NUBPL: variants seen among roughly 807,000 people sequenced by gnomAD.
The protein encoded by NUBPL is NUBP iron-sulfur cluster assembly factor, mitochondrial, also known as iron-sulfur cluster transfer protein NUBPL.
Under a neutral mutation model 45.7 loss-of-function variants are expected in NUBPL, and 31 were observed. The observed-to-expected ratio is 0.68, with a 90% CI of 0.51 to 0.92. The LOEUF is 0.92. NUBPL is among the 40% of genes least tolerant of loss of function. The pLI is 0.00. For missense variants in NUBPL, 401 were observed against 398.7 expected, an observed-to-expected ratio of 1.01 and a Z score of -0.05; for synonymous variants, 144 against 140.9, an observed-to-expected ratio of 1.02 and a Z score of -0.15.
intron 4 of NUBPL, among the ~76,000 whole-genome samples, chr14:31,647,471 A>G (rs2139724050): frequency 6.6e-6 from 1 of 152,340 alleles, no homozygotes; most frequent in Non-Finnish European, 1.5e-5. Flanking sequence ...GTATTTGATC[A>G]GAGCACTGCC....
chr14:31,703,235 T>TTA, intron 6 of NUBPL: 1 of 152,302 alleles, frequency 6.6e-6, no homozygotes, highest in South Asian at 2.1e-4. Flanking sequence ...TCCTAGGACT[T>TTA]TATAAACTGG....
intron 3 of NUBPL, among the ~76,000 whole-genome samples, chr14:31,590,984 A>T (rs1277224880): frequency 6.6e-6 from 1 of 152,148 alleles, no homozygotes; most frequent in African/African-American, 2.4e-5. Flanking sequence ...AAAATGTGGC[A>T]CTTAAGGCAA....
chr14:31,625,410 A>T (rs888091477), intron 4 of NUBPL, among the ~76,000 whole-genome samples: 3 of 152,076 alleles, frequency 2.0e-5, no homozygotes, highest in African/African-American at 7.2e-5. Flanking sequence ...GAGTATCTCT[A>T]GCCTAGTACA....
At chr14:31,831,384 A>G (rs763256333) in intron 8 of NUBPL, among the ~76,000 whole-genome samples, 8 of 151,752 alleles carry the variant, frequency 5.3e-5, no homozygotes, top group African/African-American at 9.7e-5. Flanking sequence ...TTATGATCCA[A>G]TTACACTCTA....
chr14:31,789,357 A>G (rs574789970), intron 7 of NUBPL, among the ~76,000 whole-genome samples: 36 of 152,126 alleles, frequency 2.4e-4, no homozygotes, highest in African/African-American at 7.9e-4. Flanking sequence ...ATAAAAATAA[A>G]TATTAGGAAA....
intron 4 of NUBPL, among the ~76,000 whole-genome samples, chr14:31,669,278 A>T (rs1396906666): frequency 6.6e-6 from 1 of 152,174 alleles, no homozygotes; most frequent in Non-Finnish European, 1.5e-5. Context: ...CAGATTAATC[A>T]CTTCAAACAT....
intron 4 of NUBPL, among the ~76,000 whole-genome samples, chr14:31,638,089 T>C (rs1440621774): frequency 1.3e-5 from 2 of 152,184 alleles, no homozygotes; most frequent in South Asian, 2.1e-4. Flanking sequence ...GCCATTTACA[T>C]TTAAAGTTAA....
chr14:31,753,934 T>C (rs948362770), intron 6 of NUBPL, among the ~76,000 whole-genome samples: 8 of 152,258 alleles, frequency 5.3e-5, no homozygotes, highest in Admixed American at 3.3e-4. Context: ...CCATATATAC[T>C]TGAAAAATGC....
intron 8 of NUBPL, among the ~76,000 whole-genome samples, chr14:31,840,481 G>A (rs571156698): frequency 3.8e-4 from 58 of 152,018 alleles, no homozygotes; most frequent in African/African-American, 1.3e-3. Flanking sequence ...GGCGGAGGTA[G>A]GAGAATGGTG....
intron 4 of NUBPL, among the ~76,000 whole-genome samples, chr14:31,663,196 C>T (rs935649340): frequency 1.3e-5 from 2 of 152,146 alleles, no homozygotes; most frequent in Non-Finnish European, 1.5e-5. Context: ...GTTGCCTGTT[C>T]ACTCTGATGA....
intron 4 of NUBPL, among the ~76,000 whole-genome samples, chr14:31,666,263 A>ATATTATATATATTTATTATTT: frequency 1.8e-5 from 2 of 111,888 alleles, no homozygotes; most frequent in African/African-American, 6.1e-5. Context: ...ATATATATAT[A>ATATTATATATATTTATTATTT]ATTTTATTTT....
rs186208433 is a variant in NUBPL, at chr14:31,625,829, A to G, written c.382+26450A>G. On this transcript the variant is annotated intron_variant, in intron 4 of 10. Coordinates refer to ENST00000281081, the MANE Select transcript of NUBPL (RefSeq NM_025152.3). ...GGGGGAGATGAAAAAATGTCAACAC[A>G]TTAAGTACCATAGTAAATAGTAGGG... Among the ~76,000 whole-genome samples, 266 of 152,274 alleles carry G rather than the reference A, an allele frequency of 1.7e-3. 1 individual carries two copies. The highest frequency in any genetic ancestry group is 3.0e-3 in the Non-Finnish European group (205 of 68,020).
chr14:31,602,088 A>G (rs1292886664), intron 4 of NUBPL, among the ~76,000 whole-genome samples: 1 of 152,222 alleles, frequency 6.6e-6, no homozygotes, highest in Non-Finnish European at 1.5e-5. Context: ...TGTTCTTTGT[A>G]GGGACATGGA....
intron 3 of NUBPL, among the ~76,000 whole-genome samples, chr14:31,568,989 T>C (rs924847716): frequency 6.6e-6 from 1 of 152,226 alleles, no homozygotes; most frequent in Non-Finnish European, 1.5e-5. Flanking sequence ...TTATATATGG[T>C]ATTAGTATAG....
chr14:31,613,215 C>T (rs1013969927), intron 4 of NUBPL, among the ~76,000 whole-genome samples: 5 of 152,144 alleles, frequency 3.3e-5, no homozygotes, highest in Non-Finnish European at 5.9e-5. Flanking sequence ...ATTGCATATT[C>T]TCACCTCTTT....
intron 6 of NUBPL, among the ~76,000 whole-genome samples, chr14:31,685,336 T>C (rs2036927223): frequency 6.6e-6 from 1 of 152,114 alleles, no homozygotes; most frequent in Non-Finnish European, 1.5e-5. Flanking sequence ...AAAAAGATTA[T>C]AGGGGTTTAA....
chr14:31,742,373 C>G, intron 6 of NUBPL, among the ~76,000 whole-genome samples: 1 of 152,024 alleles, frequency 6.6e-6, no homozygotes. Flanking sequence ...GACTTTCAAA[C>G]TTGACTCTAT....
chr14:31,746,283 G>C (rs373523762), intron 6 of NUBPL, among the ~76,000 whole-genome samples: 1 of 152,002 alleles, frequency 6.6e-6, no homozygotes, highest in Non-Finnish European at 1.5e-5. Context: ...TAGAGGAAAA[G>C]ATTTCAACTT....
At chr14:31,769,157 G>A (rs1256483692) in intron 6 of NUBPL, among the ~76,000 whole-genome samples, 4 of 152,252 alleles carry the variant, frequency 2.6e-5, no homozygotes, top group Non-Finnish European at 2.9e-5. Flanking sequence ...TACAGTGTCC[G>A]GCGCAACATA....
Sources: gnomAD v4.1 joint callset for allele counts (sites outside exome capture counted in the v4.1 genomes callset) on GRCh38, gnomAD v4.1.1 for gene constraint, MANE v1.5 for transcripts, NCBI Gene and HGNC (gene_info 2026-07-23, HGNC 2026-07-21) for gene names.